The following ADAMTS19 variants were observed in gnomAD, a reference collection of about 807,000 sequenced individuals.
ADAMTS19 encodes A disintegrin and metalloproteinase with thrombospondin motifs 19.
Under a neutral mutation model 153.3 loss-of-function variants are expected in ADAMTS19, and 93 were observed. The ratio of observed to expected loss-of-function variants is 0.61; its 90% confidence interval spans 0.51 to 0.72. ADAMTS19 has a LOEUF of 0.72. Among genes scored for constraint, ADAMTS19 ranks in the 30% least tolerant of loss-of-function variants. The pLI, the probability that ADAMTS19 is intolerant of heterozygous loss-of-function variation, is 0.00. For missense variants in ADAMTS19, 1,482 were observed against 1,552.1 expected (o/e 0.95, Z 0.76); for synonymous variants, 600 against 556.6 (o/e 1.08, Z -1.10).
chr5:129,491,650 T>A lies in ADAMTS19; in HGVS notation c.748-17427T>A, dbSNP rs1213199315. Among the ~76,000 whole-genome samples the A allele has an allele frequency of 2.6e-5, 4 of 152,238 alleles. No individual in the cohort carries two copies. The East Asian group carries it at 7.7e-4, about 29-fold the overall frequency. ...TGCCAAATTTATGACTGTTTTGTCA[T>A]GAAACAGTTTTACATTTTAATGTGG... On this transcript the variant is annotated intron_variant, in intron 2 of 22. Transcript: ENST00000274487.
chr5:129,488,448 G>A (rs772225363), intron 2 of ADAMTS19, among the ~76,000 whole-genome samples: 1 of 151,974 alleles, frequency 6.6e-6, no homozygotes, highest in Non-Finnish European at 1.5e-5. Flanking sequence ...AAGTAATTTG[G>A]TTTTTTCAAA....
chr5:129,598,954 A>T (rs1052605763), intron 8 of ADAMTS19, among the ~76,000 whole-genome samples: 8 of 152,128 alleles, frequency 5.3e-5, no homozygotes, highest in African/African-American at 9.7e-5. Flanking sequence ...TTTAGTTTTT[A>T]AAAAATTGCC....
intron 6 of ADAMTS19, among the ~76,000 whole-genome samples, chr5:129,537,065 T>C (rs1231363218): frequency 2.8e-5 from 4 of 142,126 alleles, no homozygotes; most frequent in Non-Finnish European, 4.5e-5. Context: ...ATAATAATAA[T>C]TTAAAAAAAA....
At chr5:129,512,884 A>G (rs1561545453) in intron 3 of ADAMTS19, among the ~76,000 whole-genome samples, 1 of 151,910 alleles carries the variant, frequency 6.6e-6, no homozygotes, top group Non-Finnish European at 1.5e-5. Flanking sequence ...ACCCCTGAAT[A>G]CAGGCATTTC....
intron 11 of ADAMTS19, among the ~76,000 whole-genome samples, chr5:129,644,992 T>C (rs1752994328): frequency 6.6e-6 from 1 of 152,198 alleles, no homozygotes. Flanking sequence ...CCACAATATA[T>C]GTACAAGATT....
intron 3 of ADAMTS19, among the ~76,000 whole-genome samples, chr5:129,511,461 A>G (rs1277469668): frequency 6.6e-6 from 1 of 151,752 alleles, no homozygotes; most frequent in Non-Finnish European, 1.5e-5. Context: ...TTTGAAACTT[A>G]GCTTTTTTGT....
chr5:129,693,005 T>C (rs1425946869), intron 18 of ADAMTS19, among the ~76,000 whole-genome samples: 2 of 152,228 alleles, frequency 1.3e-5, no homozygotes, highest in Non-Finnish European at 2.9e-5. Flanking sequence ...CAACATTGTG[T>C]TATCACTGTT....
Position 129,528,664 on chromosome 5 carries a change from A to C in ADAMTS19, c.1315A>C (p.Ile439Leu). ...GEDMTSVDAA[I>L]LITRKDFCVH... is the part of the protein sequence containing the mutation. ...AGACATGACTTCAGTGGATGCAGCT[A>C]TACTTATAACAAGGTAAATTTTCCA... Residue 439 changes from isoleucine to leucine, a missense_variant, in exon 6 of 23, where the codon ATA (isoleucine) becomes CTA (leucine). Ile to Leu is a conservative substitution (Grantham distance 5). Coordinates refer to ENST00000274487, the MANE Select transcript of ADAMTS19 (RefSeq NM_133638.6). The C allele has an allele frequency of 6.3e-7, 1 of 1,593,688 alleles. No homozygotes were observed. Among genetic ancestry groups the C allele is most frequent in the Non-Finnish European group, 8.5e-7 (1 of 1,171,656 alleles).
intron 8 of ADAMTS19, among the ~76,000 whole-genome samples, chr5:129,610,342 A>G (rs1194065987): frequency 6.6e-6 from 1 of 152,060 alleles, no homozygotes; most frequent in Admixed American, 6.6e-5. Context: ...CACAATGTGC[A>G]GGTTTGTTAC....
chr5:129,577,963 C>T lies in ADAMTS19; in HGVS notation c.1373-18596C>T, dbSNP rs1004730376. On this transcript the variant is annotated intron_variant, in intron 7 of 22. Coordinates refer to ENST00000274487, the MANE Select transcript of ADAMTS19 (RefSeq NM_133638.6). ...CATTGATTTTCCTCTTTTTTACTTC[C>T]TTTTATTTTTTTAAGCTTTAATCGT... Among the ~76,000 whole-genome samples, 3 of 147,522 alleles carry T rather than the reference C, an allele frequency of 2.0e-5. No individual in the cohort carries two copies. The Admixed American group carries it at 2.0e-4, about 10-fold the overall frequency.
Position 129,527,784 on chromosome 5 carries a change from C to A in ADAMTS19, c.1123C>A (p.Gln375Lys), listed in dbSNP as rs1415235143. ...NLFQHKSLSV[Q>K]VNLRVIKLIL... The stretch of plus-strand genomic sequence containing the variant: ...TTTCCAACACAAGAGTCTGAGTGTG[C>A]AGGTCAATCTTCGTGTGATAAAGCT... The change falls in exon 5 of 23, where the codon CAG becomes AAG. Residue 375 changes from glutamine (Q) to lysine (K), a missense_variant. Physicochemically the swap from Gln to Lys is moderately conservative, Grantham distance 53. Transcript: ENST00000274487. 3.1e-6 allele frequency: 5 copies of A among 1,597,764 alleles called. No homozygotes were observed. In the East Asian group the frequency reaches 1.1e-4, roughly 36 times the overall value.
At chr5:129,537,521 C>T (rs1009239010) in intron 6 of ADAMTS19, among the ~76,000 whole-genome samples, 13 of 152,096 alleles carry the variant, frequency 8.5e-5, no homozygotes, top group African/African-American at 2.7e-4. Context: ...GACTTGGAAC[C>T]AACCCAAATG....
chr5:129,651,283 T>A (rs1345281054), intron 13 of ADAMTS19, among the ~76,000 whole-genome samples: 1 of 152,216 alleles, frequency 6.6e-6, no homozygotes, highest in African/African-American at 2.4e-5. Flanking sequence ...TAATTGGATA[T>A]CTGCAGGTTT....
At chr5:129,564,339 A>G (rs543263013) in intron 7 of ADAMTS19, among the ~76,000 whole-genome samples, 45 of 152,282 alleles carry the variant, frequency 3.0e-4, no homozygotes, top group African/African-American at 1.1e-3. Flanking sequence ...AAGCTGTTAC[A>G]TTAGTGGTAA....
rs1479727880 is a variant in ADAMTS19 at position 129,580,043 on chromosome 5, C to T, written c.1373-16516C>T. The stretch of plus-strand genomic sequence containing the variant: ...ACTTTTGTCAGTATGGCCATTTTCA[C>T]GATATTGATTCTTCCTATCCATGAG... On this transcript the variant is annotated intron_variant, in intron 7 of 22. Coordinates refer to ENST00000274487, the MANE Select transcript of ADAMTS19 (RefSeq NM_133638.6). Among the ~76,000 whole-genome samples the T allele has an allele frequency of 4.6e-5, 7 of 152,084 alleles. No homozygotes were observed. The South Asian group carries it at 8.3e-4, about 18-fold the overall frequency.
intron 11 of ADAMTS19, among the ~76,000 whole-genome samples, chr5:129,644,442 C>G (rs763521982): frequency 2.0e-4 from 31 of 152,146 alleles, no homozygotes; most frequent in Non-Finnish European, 3.8e-4. Context: ...TGATAACACT[C>G]TAGTGATATT....
intron 7 of ADAMTS19, among the ~76,000 whole-genome samples, chr5:129,564,906 G>C (rs545006693): frequency 6.6e-6 from 1 of 152,016 alleles, no homozygotes; most frequent in African/African-American, 2.4e-5. Flanking sequence ...AGGCCTGTGA[G>C]GTTTATTTAT....
chr5:129,737,139 G>A lies in ADAMTS19; in HGVS notation c.3563G>A (p.Cys1188Tyr). 1 of 1,612,056 alleles carries A rather than the reference G, an allele frequency of 6.2e-7. No homozygotes were observed. ...YCRVIREKNLCQDMRWYQRCC... is the reference protein window; with the variant it reads ...YCRVIREKNLYQDMRWYQRCC... ...CGAGTGATACGTGAAAAGAACCTAT[G>A]TCAGGACATGCGGTGGTATCAGCGC... Residue 1188 changes from cysteine (C) to tyrosine (Y), a missense_variant, in exon 23 of 23, where the codon TGT becomes TAT. Transcript: ENST00000274487.
intron 7 of ADAMTS19, among the ~76,000 whole-genome samples, chr5:129,560,783 G>T (rs1023352225): frequency 2.6e-5 from 4 of 151,810 alleles, no homozygotes; most frequent in African/African-American, 9.7e-5. Flanking sequence ...AATTCAGTTT[G>T]CTCAACATTC....
Sources: allele counts gnomAD v4.1 joint callset (sites outside exome capture counted in the v4.1 genomes callset), GRCh38; gene constraint gnomAD v4.1.1; transcripts MANE v1.5; gene names NCBI Gene and HGNC (gene_info 2026-07-23, HGNC 2026-07-21).